Variants in WDR41 observed in about 807,000 individuals in gnomAD.
WDR41 encodes WD repeat-containing protein 41.
Under a neutral mutation model 69.3 loss-of-function variants are expected in WDR41, and 63 were observed. The ratio of observed to expected loss-of-function variants is 0.91; its 90% CI spans 0.74 to 1.12. The LOEUF is 1.12. WDR41 is among the 50% of genes most tolerant of loss of function. The pLI is 0.00. For synonymous variants in WDR41, 185 were observed against 192.1 expected, an observed-to-expected ratio of 0.96 and a Z score of 0.31; for missense variants, 543 against 534.5, an observed-to-expected ratio of 1.02 and a Z score of -0.16.
At chr5:77,458,841 G>A (rs1271070067) in intron 5 of WDR41, 1 of 369,890 alleles carries the variant, frequency 2.7e-6, no homozygotes, top group Non-Finnish European at 4.9e-6. Context: ...TCCTTATCTT[G>A]CTATTGGGAT....
Position 77,492,236 on chromosome 5 carries a change from G to C in WDR41, c.-16C>G. On this transcript the variant is annotated 5_prime_UTR_variant, in exon 1 of 13. Coordinates refer to ENST00000296679, the MANE Select transcript of WDR41 (RefSeq NM_018268.4). ...ATCGCAACATCCGGGCAGCGGCGGC[G>C]TCTTGCCCGGTCCAGCCCCAGTCAG... 1 of 1,612,288 alleles carries C rather than the reference G, an allele frequency of 6.2e-7. No homozygotes were observed. Among genetic ancestry groups the C allele is most frequent in the Non-Finnish European group, 8.5e-7 (1 of 1,179,530 alleles).
intron 1 of WDR41, among the ~76,000 whole-genome samples, chr5:77,571,878 T>A (rs1422531676): frequency 6.6e-6 from 1 of 152,182 alleles, no homozygotes; most frequent in Non-Finnish European, 1.5e-5. Context: ...ATCCCAATTC[T>A]CAGGGAAAGG....
At chr5:77,517,514 C>T (rs187572256) in intron 1 of WDR41, among the ~76,000 whole-genome samples, 1 of 152,192 alleles carries the variant, frequency 6.6e-6, no homozygotes, top group Admixed American at 6.5e-5. Flanking sequence ...AATCCTTCAT[C>T]TCACAGATCT....
chr5:77,472,857 A>T (rs1435131992), intron 2 of WDR41, among the ~76,000 whole-genome samples: 1 of 152,120 alleles, frequency 6.6e-6, no homozygotes, highest in African/African-American at 2.4e-5. Context: ...AAGGTAATTT[A>T]TAGATTCAAT....
At chr5:77,461,835 A>T (rs1286640438) in intron 4 of WDR41, among the ~76,000 whole-genome samples, 2 of 134,474 alleles carry the variant, frequency 1.5e-5, no homozygotes, top group Non-Finnish European at 3.2e-5. Flanking sequence ...GATTCTGTCT[A>T]AAAAAAAAAA....
chr5:77,450,268 G>A (rs40595), intron 7 of WDR41, among the ~76,000 whole-genome samples: 1 of 152,012 alleles, frequency 6.6e-6, no homozygotes, highest in East Asian at 1.9e-4. Context: ...TAAGCATTGC[G>A]ACAGAATAAG....
intron 1 of WDR41, among the ~76,000 whole-genome samples, chr5:77,576,544 T>C (rs1412427566): frequency 6.6e-6 from 1 of 152,192 alleles, no homozygotes. Flanking sequence ...TCATTTATTC[T>C]GTTCTCTGTT....
chr5:77,528,308 TAAAAC>T (rs1802478250), intron 1 of WDR41, among the ~76,000 whole-genome samples: 1 of 151,672 alleles, frequency 6.6e-6, no homozygotes, highest in African/African-American at 2.4e-5. Context: ...AAATTTTAGA[TAAAAC>T]AAACTTCTTA....
Position 77,492,234 on chromosome 5 carries a change from G to T in WDR41, c.-14C>A. The T allele has an allele frequency of 6.2e-7, 1 of 1,612,588 alleles. No individual in the cohort carries two copies. Among genetic ancestry groups the T allele is most frequent in the Non-Finnish European group, 8.5e-7 (1 of 1,179,638 alleles). ...CCATCGCAACATCCGGGCAGCGGCG[G>T]CGTCTTGCCCGGTCCAGCCCCAGTC... On this transcript the variant is annotated 5_prime_UTR_variant, in exon 1 of 13. Coordinates refer to ENST00000296679, the MANE Select transcript of WDR41 (RefSeq NM_018268.4).
intron 2 of WDR41, among the ~76,000 whole-genome samples, chr5:77,474,071 G>A (rs968790006): frequency 1.2e-4 from 18 of 152,280 alleles, no homozygotes; most frequent in African/African-American, 4.3e-4. Flanking sequence ...TTAAGAAAAT[G>A]TGGCACATAT....
intron 1 of WDR41, among the ~76,000 whole-genome samples, chr5:77,537,627 G>A (rs10042636): frequency 0.1 from 15,636 of 152,120 alleles, 1,084 homozygotes; most frequent in South Asian, 0.25. Context: ...GATGTTTCGG[G>A]GAGTGGGCTC....
At chr5:77,528,140 A>G (rs1250706427) in intron 1 of WDR41, among the ~76,000 whole-genome samples, 1 of 151,734 alleles carries the variant, frequency 6.6e-6, no homozygotes, top group African/African-American at 2.4e-5. Context: ...TGAAAACACT[A>G]TTAAAGTTGA....
chr5:77,613,604 G>A (rs1442116659), intron 1 of WDR41, among the ~76,000 whole-genome samples: 1 of 152,198 alleles, frequency 6.6e-6, no homozygotes, highest in Non-Finnish European at 1.5e-5. Context: ...GGAGAAAGCT[G>A]AAACTGGATC....
intron 2 of WDR41, among the ~76,000 whole-genome samples, chr5:77,481,109 C>T (rs1311041048): frequency 6.6e-6 from 1 of 151,752 alleles, no homozygotes; most frequent in Non-Finnish European, 1.5e-5. Context: ...GCAACTTCTG[C>T]CTCTCAGGTT....
Position 77,606,012 on chromosome 5 carries a change from C to A in WDR41, c.42+14467G>T, listed in dbSNP as rs566497204. On this transcript the variant is annotated intron_variant, in intron 1 of 5. Coordinates refer to the WDR41 transcript ENST00000509971. Reference sequence around the variant, plus strand: ...GTTAAGAAATGGTATGGTCAAAGAACAAAGAAAGAAGTCAATGATTTGGAG... The same window carrying A: ...GTTAAGAAATGGTATGGTCAAAGAAAAAAGAAAGAAGTCAATGATTTGGAG... 3.3e-3 allele frequency among the ~76,000 whole-genome samples: 501 copies of A among 152,106 alleles called. 5 individuals are homozygous for A. The highest frequency in any genetic ancestry group is 0.02 in the Middle Eastern group (6 of 294).
chr5:77,440,814 T>C lies in WDR41; in HGVS notation c.881A>G (p.Glu294Gly). The C allele has an allele frequency of 6.2e-7, 1 of 1,613,994 alleles. No homozygotes were observed. The highest frequency in any genetic ancestry group is 8.5e-7 in the Non-Finnish European group (1 of 1,179,898). The change falls in exon 9 of 13, where the codon GAG (glutamate) becomes GGG (glycine). Residue 294 changes from glutamate to glycine, a missense_variant and splice_region_variant. Coordinates refer to ENST00000296679, the MANE Select transcript of WDR41 (RefSeq NM_018268.4). ...ATAGATAGTGTATACATTTTTTACC[T>C]CTTCATCACATGTGAAATGATGAAT... ...ISIHHFTCDE[E>G]NVFAAVGRGL...
At chr5:77,541,617 T>C (rs1444613896) in intron 1 of WDR41, among the ~76,000 whole-genome samples, 2 of 151,050 alleles carry the variant, frequency 1.3e-5, no homozygotes, top group African/African-American at 2.4e-5. Context: ...CTCAGCCTCC[T>C]GTGTAGCTGG....
intron 1 of WDR41, among the ~76,000 whole-genome samples, chr5:77,549,886 C>A (rs1039817001): frequency 6.6e-6 from 1 of 151,998 alleles, no homozygotes; most frequent in African/African-American, 2.4e-5. Flanking sequence ...GGTACTAGTA[C>A]AAAAACAGAC....
At chr5:77,535,125 A>G (rs1339032004) in intron 1 of WDR41, among the ~76,000 whole-genome samples, 2 of 152,046 alleles carry the variant, frequency 1.3e-5, no homozygotes, top group Admixed American at 6.5e-5. Context: ...GGTCATTTCT[A>G]TCTTGCTGAG....
Sources: allele counts gnomAD v4.1 joint callset (sites outside exome capture counted in the v4.1 genomes callset), GRCh38; gene constraint gnomAD v4.1.1; transcripts MANE v1.5; gene names NCBI Gene and HGNC (gene_info 2026-07-23, HGNC 2026-07-21).